Variants in RBM34 observed in about 807,000 individuals in gnomAD.
RBM34 encodes RNA binding motif protein 34, also known as RNA-binding protein 34.
RBM34 carries 39 observed loss-of-function variants against 44.6 expected under a neutral mutation model. The ratio of observed to expected loss-of-function variants is 0.87; its 90% CI spans 0.68 to 1.14. The LOEUF (loss-of-function observed/expected upper bound fraction) is 1.14, where lower values mean the gene tolerates loss of function less well. Among genes scored for constraint, RBM34 ranks in the 50% most tolerant of loss-of-function variants. RBM34 has a pLI of 0.00. For synonymous variants in RBM34, 194 were observed against 184.0 expected (o/e 1.05, Z -0.44); for missense variants, 572 against 517.9 (o/e 1.10, Z -1.01).
At chr1:235,149,097 G>A (rs556019097) in intron 5 of RBM34, among the ~76,000 whole-genome samples, 1 of 151,754 alleles carries the variant, frequency 6.6e-6, no homozygotes, top group Non-Finnish European at 1.5e-5. Context: ...CATGAAAAAT[G>A]TAAGGAAAAG....
intron 6 of RBM34, among the ~76,000 whole-genome samples, chr1:235,141,138 C>T (rs556722401): frequency 4.6e-5 from 7 of 151,740 alleles, no homozygotes; most frequent in Non-Finnish European, 8.8e-5. Flanking sequence ...ACACACCAAT[C>T]GGCACCCTGT....
rs771509030 is a variant in RBM34 at position 235,161,180 on chromosome 1, T to C, written c.47A>G (p.Gln16Arg). ...CGTGCCGCGCGCCACTCACCCCTCC[T>C]GGACACTTCTCTTTCTCTTCCGTTT... Reference protein sequence around the residue: ...MSKRKRKRSVQEGENPDDGVR... With the variant: ...MSKRKRKRSVREGENPDDGVR... The change falls in exon 1 of 11, where the codon CAG becomes CGG. Residue 16 changes from glutamine to arginine, a missense_variant. Physicochemically the swap from Gln to Arg is conservative, Grantham distance 43. Transcript: ENST00000408888. The C allele has an allele frequency of 1.2e-6, 2 of 1,607,146 alleles. No homozygotes were observed. Among genetic ancestry groups the C allele is most frequent in the South Asian group, 2.2e-5 (2 of 90,396 alleles).
intron 6 of RBM34, among the ~76,000 whole-genome samples, chr1:235,141,870 A>G (rs1341683812): frequency 2.0e-4 from 31 of 152,112 alleles, no homozygotes; most frequent in Admixed American, 2.0e-3. Flanking sequence ...CGAACATCAG[A>G]AGGAACAGAC....
intron 3 of RBM34, chr1:235,160,131 G>A (rs1662634013): frequency 1.1e-5 from 4 of 364,062 alleles, no homozygotes. Context: ...ACGCAGGCCT[G>A]TAGTCCCACC....
At chr1:235,151,859 C>T (rs985113734) in intron 5 of RBM34, among the ~76,000 whole-genome samples, 1 of 151,928 alleles carries the variant, frequency 6.6e-6, no homozygotes, top group Non-Finnish European at 1.5e-5. Context: ...ATGGTGAAAC[C>T]CTGTCCGGAC....
At position 235,138,154 on chromosome 1, in the gene RBM34, T is replaced by C. The variant is rs1661507304; in HGVS notation, c.722A>G (p.Gln241Arg). ...AAIKRKIHPD[Q>R]KNINAYVVFK... ...CACAACATAGGCATTAATATTTTTCTGATCAGGATGAATTTTACGTCTACA... is the reference window on the plus strand; with the variant it reads ...CACAACATAGGCATTAATATTTTTCCGATCAGGATGAATTTTACGTCTACA... Residue 241 changes from glutamine to arginine, a missense_variant, in exon 7 of 11, where the codon CAG becomes CGG. Physicochemically the swap from Gln to Arg is conservative, Grantham distance 43 (BLOSUM62 1). Transcript: ENST00000408888. 3 of 1,600,104 alleles carry C rather than the reference T, an allele frequency of 1.9e-6. No individual in the cohort carries two copies. Among genetic ancestry groups the C allele is most frequent in the African/African-American group, 1.4e-5 (1 of 73,884 alleles).
At chr1:235,152,867 AG>A in intron 4 of RBM34, 102 bp from the exon 5 acceptor site, 1 of 882,102 alleles carries the variant, frequency 1.1e-6, no homozygotes, top group Non-Finnish European at 1.6e-6. Context: ...CTCTACTGCC[AG>A]GCTTTTTTTT....
rs201921614 is a variant in RBM34 at position 235,160,641 on chromosome 1, T to A, written c.235A>T (p.Ile79Phe). 6.2e-7 allele frequency: 1 copy of A among 1,610,240 alleles called. No individual in the cohort carries two copies. The highest frequency in any genetic ancestry group is 8.5e-7 in the Non-Finnish European group (1 of 1,179,134). Reference protein sequence around the residue: ...PVYVPVPKQTIKKTKRNEEEE... With the variant: ...PVYVPVPKQTFKKTKRNEEEE... The stretch of plus-strand genomic sequence containing the variant: ...TCCTCATTCCGTTTCGTTTTTTTGA[T>A]GGTTTGCTTTTTAAAAGTTTGAAGT... Residue 79 changes from isoleucine (I) to phenylalanine (F), a missense_variant, in exon 3 of 11, where the codon ATC (isoleucine) becomes TTC (phenylalanine). Coordinates refer to ENST00000408888, the MANE Select transcript of RBM34 (RefSeq NM_015014.4).
chr1:235,155,332 A>G (rs1267613262), intron 3 of RBM34, among the ~76,000 whole-genome samples: 1 of 152,054 alleles, frequency 6.6e-6, no homozygotes, highest in Non-Finnish European at 1.5e-5. Context: ...AAGATTTAGA[A>G]AAAGTTAAGC....
intron 6 of RBM34, among the ~76,000 whole-genome samples, chr1:235,146,212 C>T (rs1363133942): frequency 6.6e-6 from 1 of 151,988 alleles, no homozygotes; most frequent in Non-Finnish European, 1.5e-5. Flanking sequence ...TCTAATGGTG[C>T]TGAGATTACA....
rs189817999 is a variant in RBM34 at position 235,135,634 on chromosome 1, T to C, written c.1008+18A>G. On this transcript the variant is annotated intron_variant, in intron 10 of 10. Coordinates refer to ENST00000408888, the MANE Select transcript of RBM34 (RefSeq NM_015014.4). ...AGGGCACTTCGAAGGACAGTGACAATGCATTAGTCTCCCATACCTCAAAGA... is the reference window on the plus strand; with the variant it reads ...AGGGCACTTCGAAGGACAGTGACAACGCATTAGTCTCCCATACCTCAAAGA... 2.5e-6 allele frequency: 4 copies of C among 1,588,214 alleles called. No homozygotes were observed. In the East Asian group the frequency reaches 6.7e-5, roughly 27 times the overall value.
intron 4 of RBM34, among the ~76,000 whole-genome samples, chr1:235,153,878 G>A (rs1447573630): frequency 3.3e-5 from 5 of 152,134 alleles, no homozygotes; most frequent in Admixed American, 1.3e-4. Context: ...GTCACACAAC[G>A]GAAGAAACTC....
At chr1:235,145,020 G>T (rs1245962787) in intron 6 of RBM34, among the ~76,000 whole-genome samples, 1 of 152,114 alleles carries the variant, frequency 6.6e-6, no homozygotes, top group Admixed American at 6.6e-5. Flanking sequence ...TCCAGCCTGG[G>T]CAACAAGAGC....
chr1:235,149,249 C>T lies in RBM34; in HGVS notation c.658-802G>A, dbSNP rs537483576. Among the ~76,000 whole-genome samples, 20 of 151,866 alleles carry T rather than the reference C, an allele frequency of 1.3e-4. No individual in the cohort carries two copies. In the South Asian group the frequency reaches 2.9e-3, roughly 22 times the overall value. On this transcript the variant is annotated intron_variant, in intron 5 of 10. Coordinates refer to ENST00000408888, the MANE Select transcript of RBM34 (RefSeq NM_015014.4). ...TAGAAATACAAAAAAATTAGCCAGACGTGGTGGCGGGCGCCTGTAGTCCCA... is the reference window on the plus strand; with the variant it reads ...TAGAAATACAAAAAAATTAGCCAGATGTGGTGGCGGGCGCCTGTAGTCCCA...
intron 3 of RBM34, among the ~76,000 whole-genome samples, chr1:235,159,366 A>G (rs750338333): frequency 6.6e-6 from 1 of 151,878 alleles, no homozygotes; most frequent in Non-Finnish European, 1.5e-5. Flanking sequence ...ACTGGTCAAT[A>G]TGGTGACACC....
At chr1:235,147,900 C>G (rs368430735) in intron 6 of RBM34, among the ~76,000 whole-genome samples, 1 of 151,970 alleles carries the variant, frequency 6.6e-6, no homozygotes, top group South Asian at 2.1e-4. Context: ...GAAGGGCGAA[C>G]AAGGAGACTT....
intron 6 of RBM34, among the ~76,000 whole-genome samples, chr1:235,140,483 C>T (rs949192233): frequency 3.3e-5 from 5 of 152,228 alleles, no homozygotes; most frequent in Non-Finnish European, 5.9e-5. Flanking sequence ...AGTGCCAACC[C>T]ACTGGCGCTA....
chr1:235,136,464 T>G (rs549158804), intron 8 of RBM34, among the ~76,000 whole-genome samples: 1 of 152,208 alleles, frequency 6.6e-6, no homozygotes, highest in South Asian at 2.1e-4. Flanking sequence ...CACAAATGAA[T>G]GGATGTCGCT....
rs535566896 is a variant in RBM34 at position 235,157,272 on chromosome 1, C to CGT, written c.366-2161_366-2160insAC. Among the ~76,000 whole-genome samples the CGT allele has an allele frequency of 1.1e-3, 165 of 152,192 alleles. 1 individual carries two copies. The highest frequency in any genetic ancestry group is 1.6e-3 in the Non-Finnish European group (111 of 68,006). On this transcript the variant is annotated intron_variant, in intron 3 of 10. Coordinates refer to ENST00000408888, the MANE Select transcript of RBM34 (RefSeq NM_015014.4). ...ACAGTGTGTATCTGAGAAGACTGAC[C>CGT]AGACTGACCAGAGCAGGGAAGGAGG... is the stretch of plus-strand genomic sequence containing the variant.
Sources: gnomAD v4.1 joint callset for allele counts (sites outside exome capture counted in the v4.1 genomes callset) on GRCh38, gnomAD v4.1.1 for gene constraint, MANE v1.5 for transcripts, NCBI Gene and HGNC (gene_info 2026-07-23, HGNC 2026-07-21) for gene names.